Variants in CNTN4 observed in about 807,000 individuals in gnomAD.
CNTN4 encodes contactin-4.
A neutral mutation model predicts 122.5 loss-of-function variants in CNTN4; 77 were observed. That is an observed-to-expected ratio of 0.63 (90% CI 0.52 to 0.76). The LOEUF is 0.76. Among genes scored for constraint, CNTN4 ranks in the 30% least tolerant of loss-of-function variants. The probability of loss-of-function intolerance (pLI) is 0.00; values close to 1 mark genes in which losing one functional copy is unlikely to be tolerated. For synonymous variants in CNTN4, 512 were observed against 447.0 expected (o/e 1.15, Z -1.83); for missense variants, 1,256 against 1,259.1 (o/e 1.00, Z 0.04).
chr3:2,576,062 C>A (rs7637354), intron 4 of CNTN4, among the ~76,000 whole-genome samples: 16,589 of 152,076 alleles, frequency 0.11, 1,205 homozygotes, highest in Non-Finnish European at 0.15. Flanking sequence ...GTCTCGATCT[C>A]CTGACCTTGT....
chr3:2,663,041 G>C (rs973781571), intron 4 of CNTN4, among the ~76,000 whole-genome samples: 1 of 152,022 alleles, frequency 6.6e-6, no homozygotes, highest in African/African-American at 2.4e-5. Context: ...GGCAGAAGTT[G>C]CAGTGAGCCG....
chr3:2,505,763 A>G (rs1023702725), intron 3 of CNTN4, among the ~76,000 whole-genome samples: 12 of 152,208 alleles, frequency 7.9e-5, no homozygotes, highest in African/African-American at 2.9e-4. Flanking sequence ...GAAAGGTGTG[A>G]ATTTAGGCAG....
intron 2 of CNTN4, among the ~76,000 whole-genome samples, chr3:2,252,127 A>G (rs1041563829): frequency 3.3e-5 from 5 of 152,026 alleles, no homozygotes; most frequent in African/African-American, 7.2e-5. Flanking sequence ...CACTGATTTA[A>G]TGAATGAAGA....
intron 6 of CNTN4, among the ~76,000 whole-genome samples, chr3:2,777,202 A>G (rs1436567782): frequency 6.6e-6 from 1 of 152,186 alleles, no homozygotes; most frequent in Non-Finnish European, 1.5e-5. Flanking sequence ...TTTGTGTTTT[A>G]TGGTATTTAA....
chr3:2,237,536 A>G (rs769885909), intron 2 of CNTN4, among the ~76,000 whole-genome samples: 3 of 152,144 alleles, frequency 2.0e-5, no homozygotes, highest in Non-Finnish European at 2.9e-5. Flanking sequence ...TTTGAGAGTA[A>G]AAAGAGAGAG....
chr3:2,397,933 C>T (rs1325640954), intron 3 of CNTN4, among the ~76,000 whole-genome samples: 1 of 151,920 alleles, frequency 6.6e-6, no homozygotes, highest in African/African-American at 2.4e-5. Context: ...TGAATTTGGT[C>T]TAAGAAAATG....
chr3:2,928,600 A>T (rs9836950), intron 13 of CNTN4, among the ~76,000 whole-genome samples: 109,271 of 152,056 alleles, frequency 0.72, 39,442 homozygotes, highest in Middle Eastern at 0.79. Context: ...ATCTTAGGAA[A>T]CAAAAGGCAA....
intron 3 of CNTN4, among the ~76,000 whole-genome samples, chr3:2,464,653 GC>G (rs1209566319): frequency 6.6e-6 from 1 of 152,142 alleles, no homozygotes; most frequent in Non-Finnish European, 1.5e-5. Context: ...TCCCAAAGAG[GC>G]TTTGATTTAC....
intron 2 of CNTN4, among the ~76,000 whole-genome samples, chr3:2,326,815 A>G (rs2043483701): frequency 6.6e-6 from 1 of 152,156 alleles, no homozygotes; most frequent in African/African-American, 2.4e-5. Context: ...AATCAAAGCT[A>G]AGAAAGAATA....
intron 13 of CNTN4, among the ~76,000 whole-genome samples, chr3:2,961,521 A>G (rs1053234960): frequency 6.6e-6 from 1 of 151,868 alleles, no homozygotes; most frequent in Non-Finnish European, 1.5e-5. Flanking sequence ...GCAAATGACA[A>G]CCCTTGAGAG....
At chr3:2,670,702 A>C (rs2084456589) in intron 4 of CNTN4, among the ~76,000 whole-genome samples, 1 of 152,068 alleles carries the variant, frequency 6.6e-6, no homozygotes, top group Non-Finnish European at 1.5e-5. Flanking sequence ...TGGTCTTTAC[A>C]ATTTGGCATG....
intron 8 of CNTN4, among the ~76,000 whole-genome samples, 187 bp downstream of exon 8, chr3:2,867,136 G>GA (rs2093732614): frequency 6.6e-6 from 1 of 152,104 alleles, no homozygotes; most frequent in Admixed American, 6.5e-5. Context: ...ATCCATTTTG[G>GA]AAAACTAATT....
At chr3:2,435,822 C>A (rs897728984) in intron 3 of CNTN4, among the ~76,000 whole-genome samples, 1 of 152,128 alleles carries the variant, frequency 6.6e-6, no homozygotes, top group African/African-American at 2.4e-5. Flanking sequence ...CTACAGAAAT[C>A]ATTTTATATC....
intron 7 of CNTN4, among the ~76,000 whole-genome samples, chr3:2,846,322 A>G (rs1416789787): frequency 6.6e-6 from 1 of 152,126 alleles, no homozygotes; most frequent in African/African-American, 2.4e-5. Context: ...ATGAGATCTG[A>G]TGGTTTTATA....
chr3:2,726,886 A>G (rs1340601840), intron 4 of CNTN4, among the ~76,000 whole-genome samples: 1 of 152,234 alleles, frequency 6.6e-6, no homozygotes, highest in Non-Finnish European at 1.5e-5. Context: ...CAGCACAGGA[A>G]TGCAAGATGT....
chr3:2,825,789 A>C (rs1168897538), intron 7 of CNTN4, among the ~76,000 whole-genome samples: 1 of 152,170 alleles, frequency 6.6e-6, no homozygotes, highest in Non-Finnish European at 1.5e-5. Flanking sequence ...AGTATATTTA[A>C]AAAAGAAAAC....
rs2047141521 is a variant in CNTN4 at position 2,409,214 on chromosome 3, A to T, written c.-89+69981A>T. ...AATAAAAACGTTTGTTACTTTTTTTAAAGTTCTGAGTAATTTCTAGGTATC... is the reference window on the plus strand; with the variant it reads ...AATAAAAACGTTTGTTACTTTTTTTTAAGTTCTGAGTAATTTCTAGGTATC... On this transcript the variant is annotated intron_variant, in intron 3 of 24. Transcript: ENST00000418658. Among the ~76,000 whole-genome samples, 4 of 151,628 alleles carry T rather than the reference A, an allele frequency of 2.6e-5. No homozygotes were observed. The South Asian group carries it at 8.3e-4, about 31-fold the overall frequency.
intron 3 of CNTN4, among the ~76,000 whole-genome samples, chr3:2,568,152 A>C (rs1444847341): frequency 6.6e-6 from 1 of 152,048 alleles, no homozygotes; most frequent in Non-Finnish European, 1.5e-5. Flanking sequence ...AAAACAAATA[A>C]ATACATGACC....
intron 6 of CNTN4, among the ~76,000 whole-genome samples, chr3:2,764,274 A>G (rs909085409): frequency 1.2e-4 from 18 of 152,238 alleles, no homozygotes; most frequent in Non-Finnish European, 1.6e-4. Context: ...TAGTGGTTCT[A>G]TAATGTTTGT....
Sources: gnomAD v4.1 joint callset for allele counts (sites outside exome capture counted in the v4.1 genomes callset) on GRCh38, gnomAD v4.1.1 for gene constraint, MANE v1.5 for transcripts, NCBI Gene and HGNC (gene_info 2026-07-23, HGNC 2026-07-21) for gene names.